Variants in ATXN1 observed in about 807,000 individuals in gnomAD.
The protein encoded by ATXN1 is ataxin-1.
Under a neutral mutation model 56.4 loss-of-function variants are expected in ATXN1, and 8 were observed. That is an observed-to-expected ratio of 0.14 (90% confidence interval 0.08 to 0.26). The LOEUF is 0.26. Among genes scored for constraint, ATXN1 ranks in the 10% least tolerant of loss-of-function variants. The pLI, the probability that ATXN1 is intolerant of heterozygous loss-of-function variation, is 1.00. For synonymous variants in ATXN1, 514 were observed against 494.6 expected, an observed-to-expected ratio of 1.04 and a Z score of -0.52; for missense variants, 987 against 1,106.5, an observed-to-expected ratio of 0.89 and a Z score of 1.53.
chr6:16,420,891 G>C (rs17651969), intron 6 of ATXN1, among the ~76,000 whole-genome samples: 18,201 of 152,156 alleles, frequency 0.12, 1,204 homozygotes, highest in Admixed American at 0.15. Flanking sequence ...ACTGCTAAGA[G>C]ACAAAACTGA....
chr6:16,369,909 C>T (rs532104317), intron 6 of ATXN1, among the ~76,000 whole-genome samples: 3 of 152,242 alleles, frequency 2.0e-5, no homozygotes, highest in African/African-American at 7.2e-5. Flanking sequence ...AAAGCAATAT[C>T]GATATTTACC....
intron 3 of ATXN1, among the ~76,000 whole-genome samples, chr6:16,603,911 G>A (rs1424294308): frequency 6.6e-6 from 1 of 152,142 alleles, no homozygotes; most frequent in African/African-American, 2.4e-5. Context: ...CGTCACACAG[G>A]TACTGGCATG....
At chr6:16,516,605 G>A (rs552610087) in intron 5 of ATXN1, among the ~76,000 whole-genome samples, 1 of 152,294 alleles carries the variant, frequency 6.6e-6, no homozygotes, top group East Asian at 1.9e-4. Flanking sequence ...GTCACTGTAT[G>A]AATGAGAAAT....
chr6:16,607,632 T>C (rs1289412570), intron 3 of ATXN1, among the ~76,000 whole-genome samples: 1 of 152,236 alleles, frequency 6.6e-6, no homozygotes, highest in Non-Finnish European at 1.5e-5. Flanking sequence ...CCCATCTCTC[T>C]AGGCAACCAT....
At chr6:16,634,008 T>C (rs1269723539) in intron 3 of ATXN1, among the ~76,000 whole-genome samples, 1 of 152,352 alleles carries the variant, frequency 6.6e-6, no homozygotes, top group African/African-American at 2.4e-5. Context: ...TCTGATTACC[T>C]ACCTGTCATA....
chr6:16,658,949 C>T (rs906926323), intron 2 of ATXN1, among the ~76,000 whole-genome samples: 2 of 152,172 alleles, frequency 1.3e-5, no homozygotes, highest in Non-Finnish European at 2.9e-5. Flanking sequence ...AGGATATGCT[C>T]GTATGCCTCA....
rs544427039 is a variant in ATXN1, at chr6:16,459,374, A to G, written c.-161+26598T>C. On this transcript the variant is annotated intron_variant, in intron 6 of 7. Transcript: ENST00000436367. ...ATATCTCTTAAGGCCTGAAGCTCAT[A>G]AAGGATTACAGGATATTGTTATACA... Among the ~76,000 whole-genome samples, 6 of 152,290 alleles carry G rather than the reference A, an allele frequency of 3.9e-5. No individual in the cohort carries two copies. In the East Asian group the frequency reaches 1.2e-3, roughly 29 times the overall value.
intron 3 of ATXN1, among the ~76,000 whole-genome samples, chr6:16,620,553 G>A (rs1763302500): frequency 6.6e-6 from 1 of 152,052 alleles, no homozygotes; most frequent in Admixed American, 6.6e-5. Flanking sequence ...TAAGAAATTG[G>A]GGCAATCTTT....
At position 16,612,075 on chromosome 6, in the gene ATXN1, G is replaced by A. The variant is rs975703463; in HGVS notation, c.-488-26168C>T. 6.6e-5 allele frequency among the ~76,000 whole-genome samples: 10 copies of A among 151,874 alleles called. No individual in the cohort carries two copies. In the South Asian group the frequency reaches 1.0e-3, roughly 16 times the overall value. ...GGGGTTTCACCATGTTAGTCAGGAC[G>A]GTCTCGATCTCCTGACCTCATGATG... On this transcript the variant is annotated intron_variant, in intron 3 of 7. Coordinates refer to ENST00000436367, the MANE Select transcript of ATXN1 (RefSeq NM_001128164.2).
In ATXN1 at chr6:16,438,983, A is replaced by C. The variant is rs572423840; in HGVS notation, c.-161+46989T>G. ...TCAAGTCTAACAGAGTCATTAATAG[A>C]ATTTAATAAGGAAAGCTTCCAAAAG... On this transcript the variant is annotated intron_variant, in intron 6 of 7. Coordinates refer to ENST00000436367, the MANE Select transcript of ATXN1 (RefSeq NM_001128164.2). Among the ~76,000 whole-genome samples, 12 of 152,240 alleles carry C rather than the reference A, an allele frequency of 7.9e-5. No individual in the cohort carries two copies. In the South Asian group the frequency reaches 2.5e-3, roughly 32 times the overall value.
At chr6:16,488,243 C>T (rs1254864915) in intron 5 of ATXN1, among the ~76,000 whole-genome samples, 1 of 152,170 alleles carries the variant, frequency 6.6e-6, no homozygotes, top group Non-Finnish European at 1.5e-5. Context: ...CTTGTTGACA[C>T]CTGCATGCCA....
At chr6:16,465,979 A>C (rs1027003012) in intron 6 of ATXN1, among the ~76,000 whole-genome samples, 10 of 152,122 alleles carry the variant, frequency 6.6e-5, no homozygotes, top group African/African-American at 2.4e-4. Context: ...GTCATAGCGA[A>C]CTGTGTCCAG....
chr6:16,662,165 G>A (rs1758332798), intron 2 of ATXN1, among the ~76,000 whole-genome samples: 1 of 152,094 alleles, frequency 6.6e-6, no homozygotes, highest in Admixed American at 6.5e-5. Context: ...TCAAACTCAG[G>A]CCATCTGACT....
intron 6 of ATXN1, among the ~76,000 whole-genome samples, chr6:16,379,300 A>G (rs1295491276): frequency 1.3e-5 from 2 of 152,182 alleles, no homozygotes; most frequent in African/African-American, 4.8e-5. Context: ...GACTGCAAAT[A>G]TGGTGCAGTG....
intron 6 of ATXN1, among the ~76,000 whole-genome samples, chr6:16,339,784 G>T (rs957845759): frequency 1.3e-5 from 2 of 152,052 alleles, no homozygotes; most frequent in African/African-American, 4.8e-5. Context: ...GTGTAGTGAA[G>T]AATTTTTTTT....
chr6:16,567,264 G>C (rs1762247141), intron 4 of ATXN1, among the ~76,000 whole-genome samples: 1 of 152,156 alleles, frequency 6.6e-6, no homozygotes, highest in African/African-American at 2.4e-5. Flanking sequence ...TTTGACAGTA[G>C]AGAAAAACCA....
chr6:16,691,295 G>A (rs752546760), intron 2 of ATXN1, among the ~76,000 whole-genome samples: 12 of 152,120 alleles, frequency 7.9e-5, no homozygotes, highest in African/African-American at 1.7e-4. Context: ...TTACACCTAC[G>A]GCATCCATGG....
At chr6:16,706,572 A>G (rs956300076) in intron 2 of ATXN1, among the ~76,000 whole-genome samples, 1 of 152,086 alleles carries the variant, frequency 6.6e-6, no homozygotes, top group Non-Finnish European at 1.5e-5. Context: ...AAAACACAAA[A>G]AAATGGTCCG....
chr6:16,720,264 C>T (rs1035864178), intron 2 of ATXN1, among the ~76,000 whole-genome samples: 2 of 152,178 alleles, frequency 1.3e-5, no homozygotes, highest in Non-Finnish European at 1.5e-5. Flanking sequence ...GAATCCCCTT[C>T]GCCCCTGCCA....
Sources: gnomAD v4.1 joint callset for allele counts (sites outside exome capture counted in the v4.1 genomes callset) on GRCh38, gnomAD v4.1.1 for gene constraint, MANE v1.5 for transcripts, NCBI Gene and HGNC (gene_info 2026-07-23, HGNC 2026-07-21) for gene names.